The following EBF1 variants were observed in gnomAD, a reference collection of about 807,000 sequenced individuals.
EBF1 encodes EBF transcription factor 1.
In EBF1, 10 loss-of-function variants were observed where a neutral mutation model predicts 68.4. The observed-to-expected ratio is 0.15, with a 90% CI of 0.09 to 0.25. The LOEUF is 0.25. EBF1 is among the 10% of genes least tolerant of loss of function. The probability of loss-of-function intolerance (pLI) is 1.00; values close to 1 mark genes in which losing one functional copy is unlikely to be tolerated. For missense variants in EBF1, 509 were observed against 794.4 expected (o/e 0.64, Z 4.32); for synonymous variants, 298 against 299.8 (o/e 0.99, Z 0.06).
intron 15 of EBF1, among the ~76,000 whole-genome samples, chr5:158,704,651 A>ATAGTT (rs910110576): frequency 2.6e-5 from 4 of 151,766 alleles, no homozygotes; most frequent in African/African-American, 7.3e-5. Context: ...TATGGTAGAA[A>ATAGTT]TAGTTTGGAA....
Position 158,947,650 on chromosome 5 carries a change from G to A in EBF1, c.555-107540C>T, listed in dbSNP as rs568516221. On this transcript the variant is annotated intron_variant, in intron 6 of 15. Transcript: ENST00000313708. The stretch of plus-strand genomic sequence containing the variant: ...CTGTTCCTATTCGGCCATCTTGCCT[G>A]GGAACTTCCTTAAGGTTTTCTCTAA... Among the ~76,000 whole-genome samples, 3 of 152,318 alleles carry A rather than the reference G, an allele frequency of 2.0e-5. No homozygotes were observed. In the South Asian group the frequency reaches 6.2e-4, roughly 32 times the overall value.
intron 7 of EBF1, among the ~76,000 whole-genome samples, chr5:158,828,944 T>C (rs1481067158): frequency 6.6e-6 from 1 of 152,170 alleles, no homozygotes; most frequent in Admixed American, 6.5e-5. Context: ...CAAGAGTCTA[T>C]ATACTGTATG....
At chr5:158,777,142 C>A (rs951937382) in intron 10 of EBF1, among the ~76,000 whole-genome samples, 1 of 152,152 alleles carries the variant, frequency 6.6e-6, no homozygotes, top group African/African-American at 2.4e-5. Flanking sequence ...CTAGCTACAC[C>A]TCTTTCCCCT....
At chr5:158,975,581 A>G (rs1479992468) in intron 6 of EBF1, among the ~76,000 whole-genome samples, 1 of 152,226 alleles carries the variant, frequency 6.6e-6, no homozygotes, top group Non-Finnish European at 1.5e-5. Context: ...AAAAGAAAAG[A>G]AAAAGAAAGG....
At chr5:158,961,040 A>G (rs1299428442) in intron 6 of EBF1, among the ~76,000 whole-genome samples, 1 of 152,252 alleles carries the variant, frequency 6.6e-6, no homozygotes, top group East Asian at 1.9e-4. Context: ...GCAATTCACC[A>G]AAATATGCAT....
chr5:158,986,206 TC>T (rs965507232), intron 6 of EBF1, among the ~76,000 whole-genome samples: 2 of 152,192 alleles, frequency 1.3e-5, no homozygotes, highest in African/African-American at 4.8e-5. Context: ...CCCTTTTATC[TC>T]CCCCTTCCTT....
intron 10 of EBF1, among the ~76,000 whole-genome samples, chr5:158,737,238 T>C (rs971988259): frequency 3.0e-4 from 43 of 144,816 alleles, no homozygotes; most frequent in African/African-American, 1.0e-3. Context: ...CAGAGGAAAA[T>C]TTCCAAACTG....
chr5:158,731,895 A>G, intron 10 of EBF1, among the ~76,000 whole-genome samples: 1 of 152,220 alleles, frequency 6.6e-6, no homozygotes, highest in East Asian at 1.9e-4. Flanking sequence ...TTTGGAGACA[A>G]TGGACCTTGC....
chr5:158,988,108 G>C (rs779600950), intron 6 of EBF1, among the ~76,000 whole-genome samples: 10 of 152,188 alleles, frequency 6.6e-5, no homozygotes, highest in Non-Finnish European at 1.0e-4. Context: ...GCTTAAAATA[G>C]GTGGAATGGA....
chr5:159,084,204 G>T lies in EBF1; in HGVS notation c.485+462C>A, dbSNP rs1167882449. Among the ~76,000 whole-genome samples, 12 of 152,052 alleles carry T rather than the reference G, an allele frequency of 7.9e-5. No individual in the cohort carries two copies. In the East Asian group the frequency reaches 2.3e-3, roughly 29 times the overall value. On this transcript the variant is annotated intron_variant, in intron 5 of 15. Coordinates refer to ENST00000313708, the MANE Select transcript of EBF1 (RefSeq NM_024007.5). Reference sequence around the variant, plus strand: ...ACCCACATGCAATTTAAGAAGAAATGATGCCTAAGTGTGGACGTCATATTT... The same window carrying T: ...ACCCACATGCAATTTAAGAAGAAATTATGCCTAAGTGTGGACGTCATATTT...
chr5:158,769,215 G>A (rs1009606243), intron 10 of EBF1, among the ~76,000 whole-genome samples: 6 of 152,158 alleles, frequency 3.9e-5, no homozygotes, highest in Non-Finnish European at 8.8e-5. Context: ...CATGAATGAT[G>A]AATGGGACCG....
chr5:158,870,456 G>A (rs1353824144), intron 6 of EBF1, among the ~76,000 whole-genome samples: 3 of 152,148 alleles, frequency 2.0e-5, no homozygotes, highest in Non-Finnish European at 4.4e-5. Flanking sequence ...GGTCAAGGCA[G>A]GAAGATCCCT....
At chr5:158,805,203 A>G (rs777202574) in intron 8 of EBF1, among the ~76,000 whole-genome samples, 20 of 152,158 alleles carry the variant, frequency 1.3e-4, no homozygotes, top group Non-Finnish European at 2.5e-4. Flanking sequence ...AAAATATGCA[A>G]CTGCTTCTTC....
chr5:158,796,591 T>A, intron 8 of EBF1, 116 bp from the exon 9 acceptor site: 1 of 1,263,410 alleles, frequency 7.9e-7, no homozygotes, highest in Non-Finnish European at 1.0e-6. Flanking sequence ...TAACAGAAAG[T>A]CCCTCAAGAT....
At chr5:159,093,692 C>A (rs1782043901) in intron 4 of EBF1, among the ~76,000 whole-genome samples, 1 of 152,064 alleles carries the variant, frequency 6.6e-6, no homozygotes, top group African/African-American at 2.4e-5. Context: ...AAGGTAAGTT[C>A]ATCCCATAAT....
At chr5:158,994,320 G>A (rs891887336) in intron 6 of EBF1, among the ~76,000 whole-genome samples, 4 of 152,124 alleles carry the variant, frequency 2.6e-5, no homozygotes, top group Non-Finnish European at 5.9e-5. Context: ...TATTATTTGG[G>A]TACTGTGTAC....
intron 6 of EBF1, among the ~76,000 whole-genome samples, chr5:158,868,008 A>T (rs937057471): frequency 6.6e-6 from 1 of 152,072 alleles, no homozygotes; most frequent in Admixed American, 6.5e-5. Flanking sequence ...TTCTCTAAAG[A>T]CTGTATATCT....
chr5:158,711,197 G>C (rs1200309244), intron 14 of EBF1, among the ~76,000 whole-genome samples: 1 of 151,962 alleles, frequency 6.6e-6, no homozygotes, highest in Non-Finnish European at 1.5e-5. Flanking sequence ...ACAAACAAAG[G>C]GGAAAAATCC....
At chr5:158,705,846 G>GT (rs1374430562) in intron 15 of EBF1, among the ~76,000 whole-genome samples, 1 of 152,208 alleles carries the variant, frequency 6.6e-6, no homozygotes, top group African/African-American at 2.4e-5. Context: ...CCTTCCAATA[G>GT]TGGGGGCCTT....
Sources: gnomAD v4.1 joint callset for allele counts (sites outside exome capture counted in the v4.1 genomes callset) on GRCh38, gnomAD v4.1.1 for gene constraint, MANE v1.5 for transcripts, NCBI Gene and HGNC (gene_info 2026-07-23, HGNC 2026-07-21) for gene names.